TGFBR3: variants seen among roughly 807,000 people sequenced by gnomAD.
TGFBR3 encodes transforming growth factor beta receptor 3, also known as transforming growth factor beta receptor type 3.
TGFBR3 carries 46 observed loss-of-function variants against 87.9 expected under a neutral mutation model. The observed-to-expected ratio is 0.52, with a 90% CI of 0.41 to 0.67. The LOEUF (loss-of-function observed/expected upper bound fraction) is 0.67. Among genes scored for constraint, TGFBR3 ranks in the 30% least tolerant of loss-of-function variants. The pLI is 0.00. For missense variants in TGFBR3, 866 were observed against 1,041.9 expected, an observed-to-expected ratio of 0.83 and a Z score of 2.32; for synonymous variants, 381 against 391.6, an observed-to-expected ratio of 0.97 and a Z score of 0.32.
rs149081226 is a variant in TGFBR3 at position 91,802,407 on chromosome 1, C to T, written c.62-4936G>A. ...AGACAGTCTCGCTCTGTCGTCCAGG[C>T]GAGAGGGCAGTGACGCGCTCTCAGC... On this transcript the variant is annotated intron_variant, in intron 2 of 16. Transcript: ENST00000212355. 5.1e-4 allele frequency among the ~76,000 whole-genome samples: 77 copies of T among 151,434 alleles called. 1 individual carries two copies. The highest frequency in any genetic ancestry group is 1.8e-3 in the African/African-American group (74 of 41,194).
At chr1:91,798,747 C>T (rs1675484986) in intron 2 of TGFBR3, among the ~76,000 whole-genome samples, 2 of 152,134 alleles carry the variant, frequency 1.3e-5, no homozygotes, top group Admixed American at 6.5e-5. Flanking sequence ...ATATGAGATG[C>T]TCAAAAAACG....
Position 91,712,170 on chromosome 1 carries a change from C to T in TGFBR3, c.2166+73G>A. On this transcript the variant is annotated intron_variant, in intron 13 of 16. Transcript: ENST00000212355. ...AAACAAAAAACCTCAACCTGCAAGA[C>T]CTTGGGATTAAACTTTTCTGCCTCA... The T allele has an allele frequency of 4.9e-6, 7 of 1,418,482 alleles. No homozygotes were observed. The South Asian group carries it at 7.2e-5, about 15-fold the overall frequency. The allele number at this position is 1,418,482 out of a possible 1,614,324, so 87.9% of individuals were successfully genotyped here.
chr1:91,707,480 T>A (rs565607609), intron 14 of TGFBR3, among the ~76,000 whole-genome samples: 25 of 152,238 alleles, frequency 1.6e-4, no homozygotes, highest in African/African-American at 5.5e-4. Flanking sequence ...TCTTGCCAAA[T>A]CCCAATCCAA....
chr1:91,720,786 A>C (rs1195371903), intron 8 of TGFBR3, among the ~76,000 whole-genome samples: 2 of 152,238 alleles, frequency 1.3e-5, no homozygotes, highest in Non-Finnish European at 2.9e-5. Flanking sequence ...TCCTTGAATC[A>C]AGAGAGTCTT....
At position 91,698,124 on chromosome 1, in the gene TGFBR3, C is replaced by A; in HGVS notation, c.2294G>T (p.Gly765Val). Residue 765 changes from glycine (G) to valine (V), a missense_variant, in exon 15 of 17, where the codon GGT (glycine) becomes GTT (valine). Coordinates refer to ENST00000212355, the MANE Select transcript of TGFBR3 (RefSeq NM_003243.5). ...TGGATTTGGTTCCTTCATGCTTGGACCTTTTTCTGAAACAAAAACATAAAT... is the reference window on the plus strand; with the variant it reads ...TGGATTTGGTTCCTTCATGCTTGGAACTTTTTCTGAAACAAAAACATAAAT... ...IHHEAESKEK[G>V]PSMKEPNPIS... is the part of the protein sequence containing the mutation. 3 of 1,613,872 alleles carry A rather than the reference C, an allele frequency of 1.9e-6. No homozygotes were observed. The highest frequency in any genetic ancestry group is 2.2e-5 in the South Asian group (2 of 91,076).
intron 1 of TGFBR3, among the ~76,000 whole-genome samples, chr1:91,865,209 A>G (rs1264985910): frequency 1.3e-5 from 2 of 151,178 alleles, no homozygotes; most frequent in Non-Finnish European, 2.9e-5. Flanking sequence ...TCTCAAAAAA[A>G]AAAAAAAAAA....
At chr1:91,719,082 G>T (rs557731557) in intron 10 of TGFBR3, among the ~76,000 whole-genome samples, 1 of 152,126 alleles carries the variant, frequency 6.6e-6, no homozygotes, top group Admixed American at 6.5e-5. Flanking sequence ...AGACGGAAAC[G>T]GGGGGTGAGA....
intron 8 of TGFBR3, among the ~76,000 whole-genome samples, chr1:91,720,623 A>G (rs1372675532): frequency 6.6e-6 from 1 of 152,226 alleles, no homozygotes; most frequent in Non-Finnish European, 1.5e-5. Flanking sequence ...CCAATCATTA[A>G]TATGTTTTAG....
chr1:91,725,167 G>T (rs147391691), intron 7 of TGFBR3, among the ~76,000 whole-genome samples: 1 of 152,232 alleles, frequency 6.6e-6, no homozygotes, highest in East Asian at 1.9e-4. Flanking sequence ...CTTGCCCACT[G>T]CCTGGCTCTT....
At chr1:91,864,538 A>G (rs1678313554) in intron 1 of TGFBR3, among the ~76,000 whole-genome samples, 3 of 152,230 alleles carry the variant, frequency 2.0e-5, no homozygotes, top group South Asian at 4.1e-4. Context: ...AAGTCTCTCC[A>G]TAATGTAACT....
At chr1:91,903,106 G>A (rs1679767817) in intron 1 of TGFBR3, among the ~76,000 whole-genome samples, 1 of 151,248 alleles carries the variant, frequency 6.6e-6, no homozygotes, top group Non-Finnish European at 1.5e-5. Flanking sequence ...CCGAGATGGT[G>A]GGGGTGGTGA....
At chr1:91,854,437 T>C (rs1677860347) in intron 2 of TGFBR3, among the ~76,000 whole-genome samples, 1 of 151,880 alleles carries the variant, frequency 6.6e-6, no homozygotes, top group Non-Finnish European at 1.5e-5. Context: ...CATGCTGACA[T>C]ACAGAGCCAC....
At chr1:91,768,137 A>G (rs1298212386) in intron 3 of TGFBR3, among the ~76,000 whole-genome samples, 1 of 151,498 alleles carries the variant, frequency 6.6e-6, no homozygotes, top group Non-Finnish European at 1.5e-5. Flanking sequence ...CCTTAAACCC[A>G]GGAGGCGGAA....
At chr1:91,764,917 C>T (rs1674118986) in intron 3 of TGFBR3, among the ~76,000 whole-genome samples, 1 of 152,166 alleles carries the variant, frequency 6.6e-6, no homozygotes, top group African/African-American at 2.4e-5. Flanking sequence ...CTACCTCTGC[C>T]TCTGCCTGGC....
At chr1:91,743,062 G>A (rs191774677) in intron 4 of TGFBR3, among the ~76,000 whole-genome samples, 31 of 152,238 alleles carry the variant, frequency 2.0e-4, no homozygotes, top group Admixed American at 1.2e-3. Flanking sequence ...AGTCCTCAGC[G>A]GATCCACGGA....
intron 14 of TGFBR3, among the ~76,000 whole-genome samples, chr1:91,702,772 C>T (rs1055668603): frequency 9.9e-5 from 15 of 152,040 alleles, no homozygotes; most frequent in African/African-American, 2.9e-4. Flanking sequence ...TGGCCGGGAG[C>T]GGTGGCTCAG....
chr1:91,868,952 C>T (rs556268419), intron 1 of TGFBR3, among the ~76,000 whole-genome samples: 1 of 152,170 alleles, frequency 6.6e-6, no homozygotes, highest in Non-Finnish European at 1.5e-5. Context: ...CACCAACCAT[C>T]GTCTAGTTAG....
chr1:91,787,777 C>A (rs1675023208), intron 3 of TGFBR3, among the ~76,000 whole-genome samples: 1 of 151,904 alleles, frequency 6.6e-6, no homozygotes, highest in South Asian at 2.1e-4. Flanking sequence ...GAGTTTGAGA[C>A]CAACATGGTG....
intron 4 of TGFBR3, among the ~76,000 whole-genome samples, chr1:91,748,883 AC>A (rs1673438418): frequency 6.6e-6 from 1 of 152,062 alleles, no homozygotes; most frequent in Non-Finnish European, 1.5e-5. Context: ...CAACAAAAGC[AC>A]CTACTTCACA....
Sources: gnomAD v4.1 joint callset for allele counts (sites outside exome capture counted in the v4.1 genomes callset) on GRCh38, gnomAD v4.1.1 for gene constraint, MANE v1.5 for transcripts, NCBI Gene and HGNC (gene_info 2026-07-23, HGNC 2026-07-21) for gene names.